Variants in NF2 observed in about 807,000 individuals in gnomAD.
NF2 encodes NF2, moesin-ezrin-radixin like (MERLIN) tumor suppressor.
In NF2, 8 loss-of-function variants were observed where a neutral mutation model predicts 83.7. The observed-to-expected ratio is 0.10, with a 90% CI of 0.06 to 0.17. The LOEUF (loss-of-function observed/expected upper bound fraction) is 0.17, where lower values mean the gene tolerates loss of function less well. Ranked by LOEUF, NF2 falls within the 10% of genes least tolerant of loss-of-function variation. NF2 has a pLI of 1.00. For missense variants in NF2, 533 were observed against 744.4 expected (o/e 0.72, Z 3.31); for synonymous variants, 266 against 269.6 (o/e 0.99, Z 0.13).
chr22:29,641,170 G>A (rs538275301), intron 3 of NF2, among the ~76,000 whole-genome samples: 2 of 134,684 alleles, frequency 1.5e-5, no homozygotes, highest in East Asian at 2.0e-4. Flanking sequence ...TTTCTATAGC[G>A]TTGCTTTTTC....
chr22:29,627,013 C>T (rs1026227649), intron 1 of NF2, among the ~76,000 whole-genome samples: 2 of 152,084 alleles, frequency 1.3e-5, no homozygotes, highest in Non-Finnish European at 1.5e-5. Flanking sequence ...ACAGTCAACT[C>T]ATGATTATTA....
intron 1 of NF2, among the ~76,000 whole-genome samples, chr22:29,610,196 C>G (rs572542615): frequency 6.6e-6 from 1 of 152,018 alleles, no homozygotes; most frequent in South Asian, 2.1e-4. Context: ...TATATCTAAA[C>G]TCAGCTAGGC....
chr22:29,636,925 G>T lies in NF2; in HGVS notation c.240+49G>T, dbSNP rs1304480403. 3.1e-6 allele frequency: 5 copies of T among 1,613,014 alleles called. No homozygotes were observed. The South Asian group carries it at 3.3e-5, about 11-fold the overall frequency. ...TGGTGGGGCTGACGTGAGCTTTCCA[G>T]TTTTTCCCTGAGCAGGCGCCTAGCT... On this transcript the variant is annotated intron_variant, in intron 2 of 15. Transcript: ENST00000338641. This position sits in a 1 kb window ranked among gnomAD's most constrained non-coding sequence, Gnocchi z 4.4.
rs577224418 is a variant in NF2, at chr22:29,644,073, C to T, written c.447+1788C>T. ...GTGGCTGCCGGGCGGAGACGCTCCT[C>T]ACTTCCCAGACGGGGTGGCTGCCGG... On this transcript the variant is annotated intron_variant, in intron 4 of 15. Transcript: ENST00000338641. 1.6e-3 allele frequency among the ~76,000 whole-genome samples: 240 copies of T among 152,022 alleles called. 3 individuals are homozygous for T. The South Asian group carries it at 0.022, about 14-fold the overall frequency.
At chr22:29,655,540 A>C (rs1225239983) in intron 5 of NF2, 54 bp from the exon 6 acceptor site, 21 of 1,344,252 alleles carry the variant, frequency 1.6e-5, no homozygotes, top group Non-Finnish European at 2.0e-5. Flanking sequence ...AGTGGCAAAC[A>C]ATACCAAATT....
intron 2 of NF2, among the ~76,000 whole-genome samples, chr22:29,638,114 G>C (rs1403147107): frequency 6.6e-6 from 1 of 152,162 alleles, no homozygotes; most frequent in South Asian, 2.1e-4. Context: ...GTCACATGGC[G>C]TGTTTATGTC....
chr22:29,683,654 G>A (rs1349556365), intron 15 of NF2: 6 of 1,082,356 alleles, frequency 5.5e-6, no homozygotes, highest in Non-Finnish European at 6.8e-6. Flanking sequence ...GTGAGTCCAC[G>A]GGGAGTGGAC....
chr22:29,624,807 T>TTCTTTCTA (rs1158545044), intron 1 of NF2, among the ~76,000 whole-genome samples: 79 of 36,294 alleles, frequency 2.2e-3, no homozygotes, highest in African/African-American at 9.2e-3. Context: ...TCCTCTTTCT[T>TTCTTTCTA]TCTTTCTTTC....
Position 29,695,708 on chromosome 22 carries a change from G to A in NF2, c.*906G>A, listed in dbSNP as rs1405617124. ...GATCTGTAAGCCCTGTGGCTCCACA[G>A]GTGCTGCTTCTCACTGGCCCAGACT... On this transcript the variant is annotated 3_prime_UTR_variant, in exon 16 of 16. Coordinates refer to ENST00000338641, the MANE Select transcript of NF2 (RefSeq NM_000268.4). The surrounding 1 kb of genome is among the most constrained non-coding windows in gnomAD (Gnocchi z 5.4). The A allele has an allele frequency of 8.6e-6, 2 of 233,586 alleles. No homozygotes were observed. The highest frequency in any genetic ancestry group is 5.6e-5 in the Admixed American group (1 of 17,784). 14.5% of individuals were successfully genotyped at this position (233,586 alleles called of 1,614,324 possible).
In NF2 at chr22:29,636,826, C is replaced by T. The variant is rs779218238; in HGVS notation, c.190C>T (p.Leu64=). 8 of 1,614,158 alleles carry T rather than the reference C, an allele frequency of 5.0e-6. No individual in the cohort carries two copies. The highest frequency in any genetic ancestry group is 1.1e-5 in the South Asian group (1 of 91,080). Residue 64 remains leucine (L), a synonymous_variant, in exon 2 of 16, where the codon CTG becomes TTG. Coordinates refer to ENST00000338641, the MANE Select transcript of NF2 (RefSeq NM_000268.4). The surrounding 1 kb of genome is among the most constrained non-coding windows in gnomAD (Gnocchi z 4.4). ...LGLRETWFFG[L]QYTIKDTVAW... The stretch of plus-strand genomic sequence containing the variant: ...GCTCCGAGAAACCTGGTTCTTTGGA[C>T]TGCAGTACACAATCAAGGACACAGT...
intron 1 of NF2, among the ~76,000 whole-genome samples, chr22:29,619,301 T>C (rs2065152178): frequency 6.6e-6 from 1 of 152,198 alleles, no homozygotes. Flanking sequence ...TGCCTTGGCC[T>C]CCCAAAGTGC....
chr22:29,664,360 A>G (rs1337410628), intron 8 of NF2, among the ~76,000 whole-genome samples: 1 of 143,460 alleles, frequency 7.0e-6, no homozygotes, highest in Non-Finnish European at 1.5e-5. Flanking sequence ...TTAGTCACCA[A>G]AAAGCTAATA....
intron 9 of NF2, 123 bp from the exon 10 acceptor site, chr22:29,668,210 A>G (rs1489489653): frequency 2.0e-5 from 14 of 715,754 alleles, no homozygotes; most frequent in Non-Finnish European, 3.1e-5. Context: ...GTTTCACTCT[A>G]TGCATTCATC....
At chr22:29,681,417 C>T in intron 14 of NF2, 22 bp from the exon 15 acceptor site, 1 of 1,613,282 alleles carries the variant, frequency 6.2e-7, no homozygotes, top group Middle Eastern at 1.7e-4. Flanking sequence ...AGCCCTGATG[C>T]ATGATACCCT....
At chr22:29,608,094 A>G (rs1355028483) in intron 1 of NF2, among the ~76,000 whole-genome samples, 2 of 135,478 alleles carry the variant, frequency 1.5e-5, no homozygotes, top group Admixed American at 8.5e-5. Flanking sequence ...AATTCCTTGA[A>G]CCTGGGAGGC....
chr22:29,697,272 ACTT>A lies in NF2; in HGVS notation c.*2473_*2475del, dbSNP rs1234270302. The A allele has an allele frequency of 6.9e-5, 14 of 203,496 alleles. No individual in the cohort carries two copies. The East Asian group carries it at 1.0e-3, about 15-fold the overall frequency. 12.6% of individuals were successfully genotyped at this position (203,496 alleles called of 1,614,324 possible). ...GTTTCCTTCTTTAGCTGCCGTGTCT[ACTT>A]CTGAAGTCTGGGAAGTGCCAAGCCA... On this transcript the variant is annotated 3_prime_UTR_variant, in exon 16 of 16. Transcript: ENST00000338641.
Position 29,668,315 on chromosome 22 carries a change from C to T in NF2, c.886-18C>T. ...AATTTGTGGATATTAACCTTTTTGT[C>T]TGCTTCTGTGGCCACAGATTCTCCA... On this transcript the variant is annotated intron_variant, in intron 9 of 15. Transcript: ENST00000338641. 1.3e-6 allele frequency: 2 copies of T among 1,593,134 alleles called. No homozygotes were observed. The highest frequency in any genetic ancestry group is 1.7e-6 in the Non-Finnish European group (2 of 1,161,344).
intron 10 of NF2, among the ~76,000 whole-genome samples, chr22:29,670,919 T>C (rs1277618319): frequency 6.6e-6 from 1 of 152,178 alleles, no homozygotes; most frequent in East Asian, 1.9e-4. Flanking sequence ...GTCTGTGCTG[T>C]GGCTGTTGCA....
Position 29,695,638 on chromosome 22 carries a change from C to T in NF2, c.*836C>T. 1 of 234,028 alleles carries T rather than the reference C, an allele frequency of 4.3e-6. No individual in the cohort carries two copies. Among genetic ancestry groups the T allele is most frequent in the Non-Finnish European group, 8.4e-6 (1 of 118,562 alleles). The allele number at this position is 234,028 out of a possible 1,614,324, so 14.5% of individuals were successfully genotyped here. ...CTTCCTGTGTGGGGCTGGGGTACTC[C>T]CTGGTCGTACTGCAGTCAGCACCCG... On this transcript the variant is annotated 3_prime_UTR_variant, in exon 16 of 16. Transcript: ENST00000338641. This position sits in a 1 kb window ranked among gnomAD's most constrained non-coding sequence, Gnocchi z 5.4.
Sources: allele counts gnomAD v4.1 joint callset (sites outside exome capture counted in the v4.1 genomes callset), GRCh38; gene constraint gnomAD v4.1.1; non-coding constraint Gnocchi (gnomAD v3.1); transcripts MANE v1.5; gene names NCBI Gene and HGNC (gene_info 2026-07-23, HGNC 2026-07-21).